The following CNBD2 variants were observed in gnomAD, a reference collection of about 807,000 sequenced individuals.
The protein encoded by CNBD2 is cyclic nucleotide-binding domain-containing protein 2.
In CNBD2, 64 loss-of-function variants were observed where a neutral mutation model predicts 63.7. That is an observed-to-expected ratio of 1.00 (90% CI 0.82 to 1.24). CNBD2 has a LOEUF of 1.24. Ranked by LOEUF, CNBD2 falls within the 50% of genes most tolerant of loss-of-function variation. The probability of loss-of-function intolerance (pLI) is 0.00; values close to 1 mark genes in which losing one functional copy is unlikely to be tolerated. For missense variants in CNBD2, 691 were observed against 713.5 expected, an observed-to-expected ratio of 0.97 and a Z score of 0.36; for synonymous variants, 229 against 255.4, an observed-to-expected ratio of 0.90 and a Z score of 0.99.
At chr20:35,983,261 A>G (rs2056620766) in intron 4 of CNBD2, among the ~76,000 whole-genome samples, 1 of 151,930 alleles carries the variant, frequency 6.6e-6, no homozygotes, top group South Asian at 2.1e-4. Flanking sequence ...GTGCCACCAC[A>G]CCTGGCCTCA....
intron 8 of CNBD2, 43 bp from the exon 9 acceptor site, chr20:36,008,254 T>C (rs760053828): frequency 5.3e-6 from 8 of 1,509,916 alleles, no homozygotes; most frequent in Middle Eastern, 1.9e-4. Flanking sequence ...CCATCATATA[T>C]GCAAAGATCC....
intron 10 of CNBD2, among the ~76,000 whole-genome samples, chr20:36,018,195 T>C (rs1555814925): frequency 6.6e-6 from 1 of 152,112 alleles, no homozygotes; most frequent in Non-Finnish European, 1.5e-5. Context: ...CAGGGAGGCC[T>C]GGGCAGGATG....
rs144528303 is a variant in CNBD2, at chr20:35,990,371, C to T, written c.855+2838C>T. On this transcript the variant is annotated intron_variant, in intron 7 of 11. Transcript: ENST00000373973. ...TTGCTCCGGGCGCCGTGGCTCACAC[C>T]TGTAATCCTAGCACTTTGGAAGGCT... 3.9e-5 allele frequency among the ~76,000 whole-genome samples: 6 copies of T among 152,348 alleles called. 1 individual carries two copies. The East Asian group carries it at 1.2e-3, about 29-fold the overall frequency.
At chr20:35,957,283 A>G (rs1408976257), downstream of CNBD2, among the ~76,000 whole-genome samples, 2 of 152,162 alleles carry the variant, frequency 1.3e-5, no homozygotes, top group African/African-American at 4.8e-5. Context: ...GGAATAAATG[A>G]AACAAGATTG....
At position 35,972,812 on chromosome 20, in the gene CNBD2, A is replaced by G. The variant is rs770934159; in HGVS notation, c.189+46A>G. The G allele has an allele frequency of 1.9e-6, 3 of 1,590,212 alleles. No individual in the cohort carries two copies. In the Admixed American group the frequency reaches 5.1e-5, roughly 27 times the overall value. Reference sequence around the variant, plus strand: ...GGATTATGAGGGCTCAAAGAAGCCCAATAAATTGCATCCCACTTCCTGGCC... The same window carrying G: ...GGATTATGAGGGCTCAAAGAAGCCCGATAAATTGCATCCCACTTCCTGGCC... On this transcript the variant is annotated intron_variant, in intron 2 of 11. Transcript: ENST00000373973.
chr20:35,970,316 A>T (rs1280437235), intron 1 of CNBD2, among the ~76,000 whole-genome samples: 2 of 152,208 alleles, frequency 1.3e-5, no homozygotes, highest in East Asian at 3.8e-4. Flanking sequence ...CATAGTAAGT[A>T]TATTTTTCCA....
intron 8 of CNBD2, among the ~76,000 whole-genome samples, chr20:36,000,581 T>C (rs1232015811): frequency 6.6e-6 from 1 of 151,852 alleles, no homozygotes; most frequent in Non-Finnish European, 1.5e-5. Context: ...GTTTCTGAGA[T>C]GGAGTCTTGC....
intron 7 of CNBD2, among the ~76,000 whole-genome samples, chr20:35,989,170 G>A (rs1200045813): frequency 6.6e-6 from 1 of 152,172 alleles, no homozygotes; most frequent in Non-Finnish European, 1.5e-5. Flanking sequence ...TCACACAGCT[G>A]ATGAAGTGCA....
intron 7 of CNBD2, among the ~76,000 whole-genome samples, chr20:35,989,866 G>GGA (rs35862163): frequency 0.065 from 7,957 of 121,608 alleles, 366 homozygotes; most frequent in African/African-American, 0.12. Flanking sequence ...GATGAGAGAG[G>GGA]GAGAGAGAGA....
chr20:36,016,918 G>T (rs958787827), intron 10 of CNBD2, among the ~76,000 whole-genome samples: 2 of 148,278 alleles, frequency 1.3e-5, no homozygotes, highest in Non-Finnish European at 3.0e-5. Context: ...AGTTAGCTGG[G>T]CATGGTGACA....
chr20:36,026,054 G>C (rs1396539687), intron 11 of CNBD2, among the ~76,000 whole-genome samples: 3 of 152,066 alleles, frequency 2.0e-5, no homozygotes, highest in African/African-American at 7.2e-5. Context: ...GTGTGTGAGA[G>C]ATGGGGTCTC....
chr20:35,954,641 C>T (rs978937066), upstream of CNBD2: 6 of 1,292,468 alleles, frequency 4.6e-6, no homozygotes, highest in South Asian at 1.5e-5. Context: ...GGGCTCCTTC[C>T]GAATGGTGGC....
chr20:36,007,188 A>G (rs1179443009), intron 8 of CNBD2, among the ~76,000 whole-genome samples: 4 of 151,730 alleles, frequency 2.6e-5, no homozygotes, highest in African/African-American at 9.7e-5. Context: ...GAATCCTCTC[A>G]AAAATAAATA....
chr20:35,992,881 C>T (rs886560826), intron 7 of CNBD2, among the ~76,000 whole-genome samples: 1 of 151,746 alleles, frequency 6.6e-6, no homozygotes, highest in African/African-American at 2.4e-5. Context: ...TCAAGCTGTC[C>T]CGACTCCTGT....
rs541931495 is a variant in CNBD2 at position 35,962,844 on chromosome 20, C to T, written c.228+5070C>T. On this transcript the variant is annotated intron_variant, in intron 2 of 4. Coordinates refer to the CNBD2 transcript ENST00000622112. ...GAATCTGTAGCTTTCTTTTTTTGTGCAACCTCTATTAGGTTTTAGTGTCAG... is the reference window on the plus strand; with the variant it reads ...GAATCTGTAGCTTTCTTTTTTTGTGTAACCTCTATTAGGTTTTAGTGTCAG... 2.0e-5 allele frequency among the ~76,000 whole-genome samples: 3 copies of T among 152,244 alleles called. No individual in the cohort carries two copies. In the South Asian group the frequency reaches 6.2e-4, roughly 32 times the overall value.
rs1438616495 is a variant in CNBD2 at position 35,987,382 on chromosome 20, G to A, written c.717-13G>A. 4 of 1,613,776 alleles carry A rather than the reference G, an allele frequency of 2.5e-6. No individual in the cohort carries two copies. Among genetic ancestry groups the A allele is most frequent in the Non-Finnish European group, 3.4e-6 (4 of 1,179,896 alleles). Reference sequence around the variant, plus strand: ...TGATGGAGTTGATGAATTCTAACAGGCTCTTCCCACAGGAAGATGGAGCTG... The same window carrying A: ...TGATGGAGTTGATGAATTCTAACAGACTCTTCCCACAGGAAGATGGAGCTG... On this transcript the variant is annotated splice_polypyrimidine_tract_variant and intron_variant, in intron 6 of 11. Transcript: ENST00000373973.
chr20:35,995,124 T>C lies in CNBD2; in HGVS notation c.942T>C (p.Asp314=), dbSNP rs772095400. The C allele has an allele frequency of 1.4e-5, 22 of 1,614,036 alleles. No individual in the cohort carries two copies. In the South Asian group the frequency reaches 1.5e-4, roughly 11 times the overall value. ...RWIWQHLELI[D]GRPLKTHLSE... Reference sequence around the variant, plus strand: ...TCTGGCAGCACCTGGAGCTGATAGATGGCAGACCTCTGAAGACCCACCTGA... The same window carrying C: ...TCTGGCAGCACCTGGAGCTGATAGACGGCAGACCTCTGAAGACCCACCTGA... Residue 314 remains aspartate (D), a synonymous_variant, in exon 8 of 12, where the codon GAT becomes GAC. Coordinates refer to ENST00000373973, the MANE Select transcript of CNBD2 (RefSeq NM_001365709.1).
chr20:36,022,051 C>G (rs2057216892), intron 10 of CNBD2, among the ~76,000 whole-genome samples: 1 of 151,684 alleles, frequency 6.6e-6, no homozygotes. Context: ...CTCTGTCACC[C>G]AGGCTGGAGT....
chr20:36,004,185 C>T (rs1396505728), intron 8 of CNBD2, among the ~76,000 whole-genome samples: 1 of 152,158 alleles, frequency 6.6e-6, no homozygotes, highest in Admixed American at 6.5e-5. Flanking sequence ...GGGTATTACA[C>T]AAGTGTGTGA....
Sources: gnomAD v4.1 joint callset for allele counts (sites outside exome capture counted in the v4.1 genomes callset) on GRCh38, gnomAD v4.1.1 for gene constraint, MANE v1.5 for transcripts, NCBI Gene and HGNC (gene_info 2026-07-23, HGNC 2026-07-21) for gene names.